Variants in CSMD1 observed in about 807,000 individuals in gnomAD.
The protein encoded by CSMD1 is CUB and Sushi multiple domains 1, also known as CUB and sushi domain-containing protein 1.
A neutral mutation model predicts 417.5 loss-of-function variants in CSMD1; 213 were observed. The ratio of observed to expected loss-of-function variants is 0.51; its 90% CI spans 0.46 to 0.57. The LOEUF (loss-of-function observed/expected upper bound fraction) is 0.57. CSMD1 is among the 20% of genes least tolerant of loss of function. The pLI, the probability that CSMD1 is intolerant of heterozygous loss-of-function variation, is 0.00. For missense variants in CSMD1, 6,923 were observed against 4,529.7 expected (o/e 1.53, Z -15.17); for synonymous variants, 2,862 against 1,736.8 (o/e 1.65, Z -16.11).
At chr8:4,399,912 T>C (rs1054062564) in intron 3 of CSMD1, among the ~76,000 whole-genome samples, 2 of 152,196 alleles carry the variant, frequency 1.3e-5, no homozygotes, top group African/African-American at 4.8e-5. Flanking sequence ...TCATGAGAAG[T>C]AAAAGGTTGG....
At chr8:4,656,540 A>G (rs1285882456) in intron 1 of CSMD1, among the ~76,000 whole-genome samples, 2 of 152,100 alleles carry the variant, frequency 1.3e-5, no homozygotes, top group Non-Finnish European at 2.9e-5. Flanking sequence ...GGTTTGTTCA[A>G]ATCTGATGCC....
In CSMD1 at chr8:3,495,745, GACAAAAGGATAAT is replaced by G. The variant is rs1372783855; in HGVS notation, c.1345-2032_1345-2020del. Among the ~76,000 whole-genome samples, 3 of 152,138 alleles carry G rather than the reference GACAAAAGGATAAT, an allele frequency of 2.0e-5. No individual in the cohort carries two copies. In the East Asian group the frequency reaches 5.8e-4, roughly 29 times the overall value. On this transcript the variant is annotated intron_variant, in intron 10 of 69. Coordinates refer to ENST00000635120, the MANE Select transcript of CSMD1 (RefSeq NM_033225.6). ...ACCAGAGATGCAAATGAAAACTGAA[GACAAAAGGATAAT>G]ACATTTCAAGTTGTGAGCAACTTTA... is the stretch of plus-strand genomic sequence containing the variant.
At chr8:3,426,501 C>T (rs1813850012) in intron 12 of CSMD1, among the ~76,000 whole-genome samples, 1 of 152,184 alleles carries the variant, frequency 6.6e-6, no homozygotes, top group Non-Finnish European at 1.5e-5. Flanking sequence ...CTCTTTCCCT[C>T]AATTGCCTCC....
chr8:2,937,981 T>A lies in CSMD1; in HGVS notation c.*604A>T, dbSNP rs1015485186. ...TGCGACAGAACAGCTGACTGGGAAA[T>A]TGCAAACATCCCTAGAGATGAACAC... On this transcript the variant is annotated 3_prime_UTR_variant, in exon 70 of 70. Transcript: ENST00000635120. 6 of 152,740 alleles carry A rather than the reference T, an allele frequency of 3.9e-5. No homozygotes were observed. Among genetic ancestry groups the A allele is most frequent in the African/African-American group, 1.4e-4 (6 of 41,552 alleles). 9.5% of individuals were successfully genotyped at this position (152,740 alleles called of 1,614,324 possible).
At chr8:4,332,305 C>G (rs1396795837) in intron 3 of CSMD1, among the ~76,000 whole-genome samples, 1 of 152,088 alleles carries the variant, frequency 6.6e-6, no homozygotes, top group African/African-American at 2.4e-5. Context: ...TGGAGATGCT[C>G]TTTCAGTCCT....
Position 4,753,417 on chromosome 8 carries a change from A to C in CSMD1, c.86-115859T>G, listed in dbSNP as rs1407770475. 2.9e-3 allele frequency among the ~76,000 whole-genome samples: 192 copies of C among 66,696 alleles called. 2 individuals are homozygous for C. Among genetic ancestry groups the C allele is most frequent in the Middle Eastern group, 0.016 (2 of 124 alleles). 43.8% of individuals were successfully genotyped at this position (66,696 alleles called of 152,430 possible). On this transcript the variant is annotated intron_variant, in intron 1 of 69. Coordinates refer to ENST00000635120, the MANE Select transcript of CSMD1 (RefSeq NM_033225.6). The stretch of plus-strand genomic sequence containing the variant: ...TCCACCATAAACCACACACACACAC[A>C]CACACACACACACACACACACACAC...
chr8:3,318,096 T>G (rs967066766), intron 23 of CSMD1, among the ~76,000 whole-genome samples: 13 of 152,246 alleles, frequency 8.5e-5, no homozygotes, highest in African/African-American at 2.9e-4. Flanking sequence ...CTATCACATT[T>G]GGCCTTCTCC....
intron 26 of CSMD1, among the ~76,000 whole-genome samples, chr8:3,230,826 C>T (rs1424798934): frequency 6.6e-6 from 1 of 152,098 alleles, no homozygotes; most frequent in Non-Finnish European, 1.5e-5. Context: ...TATTATATGG[C>T]CACCCTAATA....
At chr8:4,575,569 G>C (rs376164860) in intron 2 of CSMD1, among the ~76,000 whole-genome samples, 19 of 152,322 alleles carry the variant, frequency 1.2e-4, no homozygotes, top group African/African-American at 3.8e-4. Flanking sequence ...CTTTGAGACA[G>C]AAAGTTGTGT....
At chr8:3,327,381 C>A (rs1038402796) in intron 23 of CSMD1, among the ~76,000 whole-genome samples, 2 of 152,152 alleles carry the variant, frequency 1.3e-5, no homozygotes, top group Admixed American at 6.5e-5. Flanking sequence ...GATCTGCCCA[C>A]CTCGGCCTCC....
intron 5 of CSMD1, among the ~76,000 whole-genome samples, chr8:3,799,128 G>A (rs1233162658): frequency 6.6e-6 from 1 of 151,970 alleles, no homozygotes; most frequent in African/African-American, 2.4e-5. Context: ...TAGTTTAATA[G>A]TTTTATTTAA....
intron 3 of CSMD1, among the ~76,000 whole-genome samples, chr8:4,045,662 G>C (rs1462663575): frequency 6.6e-6 from 1 of 152,198 alleles, no homozygotes; most frequent in Non-Finnish European, 1.5e-5. Context: ...GATTGTAGTA[G>C]AAATAATTTT....
chr8:4,066,348 G>T (rs377171956), intron 3 of CSMD1, among the ~76,000 whole-genome samples: 57 of 152,264 alleles, frequency 3.7e-4, no homozygotes, highest in African/African-American at 1.3e-3. Flanking sequence ...TTCTGTCATT[G>T]TATGTGTGTA....
Position 3,432,630 on chromosome 8 carries a change from C to T in CSMD1, c.1562-23025G>A, listed in dbSNP as rs953188152. ...TCCCGGGATCAAGAGATTCTCCTGC[C>T]TCAGCTTCCTGAGTAGCTGGGACTA... On this transcript the variant is annotated intron_variant, in intron 12 of 69. Transcript: ENST00000635120. Among the ~76,000 whole-genome samples the T allele has an allele frequency of 9.9e-5, 15 of 151,700 alleles. No individual in the cohort carries two copies. In the East Asian group the frequency reaches 1.4e-3, roughly 14 times the overall value.
chr8:3,008,022 A>T lies in CSMD1; in HGVS notation c.8030-7891T>A, dbSNP rs576641883. ...AAAATGTCTCAAATAGAAAAAGGGG[A>T]GTTATTTTAACAATCTTTCTCTAAA... is the stretch of plus-strand genomic sequence containing the variant. On this transcript the variant is annotated intron_variant, in intron 52 of 69. Coordinates refer to ENST00000635120, the MANE Select transcript of CSMD1 (RefSeq NM_033225.6). Among the ~76,000 whole-genome samples, 14 of 152,332 alleles carry T rather than the reference A, an allele frequency of 9.2e-5. No individual in the cohort carries two copies. The South Asian group carries it at 1.9e-3, about 20-fold the overall frequency.
chr8:3,770,413 C>T (rs1018538009), intron 5 of CSMD1, among the ~76,000 whole-genome samples: 1 of 152,056 alleles, frequency 6.6e-6, no homozygotes, highest in South Asian at 2.1e-4. Context: ...CCTGTAATTC[C>T]AGCTACTCGA....
At chr8:4,096,580 C>G (rs1197410464) in intron 3 of CSMD1, among the ~76,000 whole-genome samples, 3 of 152,030 alleles carry the variant, frequency 2.0e-5, no homozygotes, top group Non-Finnish European at 4.4e-5. Flanking sequence ...CTAAGGATAC[C>G]TTTTCTTAAG....
chr8:4,111,064 G>A (rs948270167), intron 3 of CSMD1, among the ~76,000 whole-genome samples: 6 of 152,128 alleles, frequency 3.9e-5, no homozygotes, highest in Non-Finnish European at 7.4e-5. Flanking sequence ...TGCACCGCAT[G>A]GAAAAATCTG....
At chr8:3,951,436 G>C (rs1811594654) in intron 5 of CSMD1, among the ~76,000 whole-genome samples, 3 of 152,320 alleles carry the variant, frequency 2.0e-5, no homozygotes, top group Non-Finnish European at 4.4e-5. Flanking sequence ...CTGTTCATTA[G>C]TGGGATGTAG....
Sources: allele counts gnomAD v4.1 joint callset (sites outside exome capture counted in the v4.1 genomes callset), GRCh38; gene constraint gnomAD v4.1.1; transcripts MANE v1.5; gene names NCBI Gene and HGNC (gene_info 2026-07-23, HGNC 2026-07-21).